TTC16: variants seen among roughly 807,000 people sequenced by gnomAD.
TTC16 encodes the protein tetratricopeptide repeat protein 16.
A neutral mutation model predicts 80.4 loss-of-function variants in TTC16; 66 were observed. The observed-to-expected ratio is 0.82, with a 90% confidence interval of 0.67 to 1.01. TTC16 has a LOEUF of 1.01. TTC16 is among the 50% of genes least tolerant of loss of function. TTC16 has a pLI of 0.00. For missense variants in TTC16, 1,070 were observed against 1,103.2 expected (o/e 0.97, Z 0.43); for synonymous variants, 438 against 451.3 (o/e 0.97, Z 0.37).
intron 6 of TTC16, among the ~76,000 whole-genome samples, chr9:127,720,657 C>T (rs904422942): frequency 2.6e-5 from 4 of 152,000 alleles, no homozygotes; most frequent in African/African-American, 4.8e-5. Flanking sequence ...ATGAGAGAAG[C>T]ATGTCATCCC....
intron 9 of TTC16, among the ~76,000 whole-genome samples, chr9:127,725,638 T>G (rs1843894059): frequency 6.7e-6 from 1 of 149,162 alleles, no homozygotes; most frequent in African/African-American, 2.5e-5. Flanking sequence ...CTCACTCTGT[T>G]GCCCAGACTG....
chr9:127,728,943 A>T (rs1844180682), intron 12 of TTC16: 1 of 152,352 alleles, frequency 6.6e-6, no homozygotes, highest in African/African-American at 2.4e-5. Context: ...GCTGAAGTGG[A>T]TGGAGCCCAG....
intron 12 of TTC16, 42 bp from the exon 13 acceptor site, chr9:127,729,539 G>T: frequency 2.6e-6 from 4 of 1,547,356 alleles, no homozygotes; most frequent in Non-Finnish European, 3.6e-6. Flanking sequence ...AGCTGCACGG[G>T]CCTCCTACCA....
At chr9:127,728,191 C>T (rs1249864040) in intron 12 of TTC16, 2 of 152,276 alleles carry the variant, frequency 1.3e-5, no homozygotes, top group Admixed American at 1.3e-4. Flanking sequence ...TTTCCCAGCT[C>T]CCAGAAGCCC....
intron 6 of TTC16, 21 bp downstream of exon 6, chr9:127,720,416 A>C: frequency 2.1e-5 from 17 of 805,704 alleles, no homozygotes; most frequent in Non-Finnish European, 2.8e-5. Flanking sequence ...GAGGGCGGGC[A>C]GGGGCATGCC....
At position 127,716,890 on chromosome 9, in the gene TTC16, C is replaced by T; in HGVS notation, c.65C>T (p.Pro22Leu). Reference sequence around the variant, plus strand: ...GGCCCCTCACGGGACATCCCAAAGCCATGGGTGATTCCAGCCCCCAAAGGG... The same window carrying T: ...GGCCCCTCACGGGACATCCCAAAGCTATGGGTGATTCCAGCCCCCAAAGGG... The part of the protein sequence containing the change: ...DQGPSRDIPK[P>L]WVIPAPKGIL... The change falls in exon 2 of 14, where the codon CCA (proline) becomes CTA (leucine). Residue 22 changes from proline (P) to leucine (L), a missense_variant. Transcript: ENST00000373289. 6.2e-7 allele frequency: 1 copy of T among 1,614,048 alleles called. No homozygotes were observed. Among genetic ancestry groups the T allele is most frequent in the Non-Finnish European group, 8.5e-7 (1 of 1,179,986 alleles).
intron 12 of TTC16, chr9:127,727,765 T>C (rs892030229): frequency 2.5e-5 from 8 of 325,266 alleles, no homozygotes; most frequent in Non-Finnish European, 5.0e-6. Context: ...TGTGCCAGAA[T>C]TTTTTGTTTT....
At chr9:127,720,735 G>A (rs1380431484) in intron 6 of TTC16, among the ~76,000 whole-genome samples, 1 of 150,580 alleles carries the variant, frequency 6.6e-6, no homozygotes, top group East Asian at 2.0e-4. Flanking sequence ...GAGGGCTTTA[G>A]CCACAATCCT....
In TTC16 at chr9:127,718,343, C is replaced by G. The variant is rs1780749051; in HGVS notation, c.426+571C>G. On this transcript the variant is annotated intron_variant, in intron 4 of 13. Transcript: ENST00000373289. This position sits in a 1 kb window ranked among gnomAD's most constrained non-coding sequence, Gnocchi z 4.6. ...GCTCAGGCAATCCACCCACCTCGGC[C>G]TCCCAACGTGCTAGGATTACAGATG... 6.6e-6 allele frequency among the ~76,000 whole-genome samples: 1 copy of G among 152,166 alleles called. No individual in the cohort carries two copies. Among genetic ancestry groups the G allele is most frequent in the Non-Finnish European group, 1.5e-5 (1 of 68,028 alleles).
chr9:127,717,031 T>A lies in TTC16; in HGVS notation c.191+15T>A. ...GTCAGGGAATAGTGAGTGACTACCT[T>A]GCTTTGGGGTCCCAGGTTCCTGCCC... On this transcript the variant is annotated intron_variant, in intron 2 of 13. Transcript: ENST00000373289. 6.2e-7 allele frequency: 1 copy of A among 1,608,294 alleles called. No individual in the cohort carries two copies. The highest frequency in any genetic ancestry group is 2.2e-5 in the East Asian group (1 of 44,660).
chr9:127,721,123 G>A (rs574604756), intron 6 of TTC16, among the ~76,000 whole-genome samples: 77 of 151,682 alleles, frequency 5.1e-4, no homozygotes, highest in Non-Finnish European at 8.8e-4. Context: ...AGGTGGAGGG[G>A]GTGCTGGGCA....
chr9:127,716,349 C>A, intron 1 of TTC16, 186 bp downstream of exon 1: 1 of 853,906 alleles, frequency 1.2e-6, no homozygotes, highest in Non-Finnish European at 1.8e-6. Flanking sequence ...GCTGCTTGGA[C>A]AGAGGTCTCT....
rs1431118407 is a variant in TTC16 at position 127,724,872 on chromosome 9, A to G, written c.1234A>G (p.Met412Val). 23 of 1,570,084 alleles carry G rather than the reference A, an allele frequency of 1.5e-5. No homozygotes were observed. The highest frequency in any genetic ancestry group is 2.0e-5 in the Non-Finnish European group (23 of 1,160,484). ...NTRMGLLQEK[M>V]GFCEQRRKQF... ...GCGCATGGGCCTGCTGCAGGAGAAG[A>G]TGGGCTTCTGCGAGCAGAGGCGCAA... Residue 412 changes from methionine (M) to valine (V), a missense_variant, in exon 9 of 14, where the codon ATG becomes GTG. Met to Val is a conservative substitution (Grantham distance 21, BLOSUM62 1). Transcript: ENST00000373289.
chr9:127,719,047 C>T (rs1273759437), intron 4 of TTC16, among the ~76,000 whole-genome samples: 1 of 151,570 alleles, frequency 6.6e-6, no homozygotes, highest in East Asian at 2.0e-4. Flanking sequence ...CTCATCTCTA[C>T]TAAAAATACA....
intron 4 of TTC16, among the ~76,000 whole-genome samples, chr9:127,719,466 G>C (rs770486485): frequency 6.6e-6 from 1 of 152,164 alleles, no homozygotes; most frequent in Non-Finnish European, 1.5e-5. Flanking sequence ...GTTTGTGTTA[G>C]TTCTGCTGAT....
At position 127,726,390 on chromosome 9, in the gene TTC16, C is replaced by T. The variant is rs776492373; in HGVS notation, c.1411C>T (p.Pro471Ser). The T allele has an allele frequency of 1.2e-6, 2 of 1,603,100 alleles. No homozygotes were observed. The highest frequency in any genetic ancestry group is 4.5e-5 in the East Asian group (2 of 44,364). Reference sequence around the variant, plus strand: ...TGTGGCCACTGTCCTGCTCCTCAACCCCAAGCAACCAAAGGTAGGTTCCTG... The same window carrying T: ...TGTGGCCACTGTCCTGCTCCTCAACTCCAAGCAACCAAAGGTAGGTTCCTG... ...QDVATVLLLN[P>S]KQPKLSLLMT... is the part of the protein sequence containing the mutation. The change falls in exon 10 of 14, where the codon CCC becomes TCC. Residue 471 changes from proline to serine, a missense_variant. Transcript: ENST00000373289.
chr9:127,729,707 A>G (rs1844235660), intron 13 of TTC16, 39 bp downstream of exon 13: 2 of 1,596,666 alleles, frequency 1.3e-6, no homozygotes, highest in Non-Finnish European at 1.7e-6. Context: ...CAGGAAGCTA[A>G]GGCAGCAGGG....
Position 127,724,812 on chromosome 9 carries a change from C to G in TTC16, c.1174C>G (p.Leu392Val), listed in dbSNP as rs747417997. Reference sequence around the variant, plus strand: ...TGCCGAGGCGGACTACCAGCAGGCGCTGGCGCTGAGCCCTCAGGACGAGGG... The same window carrying G: ...TGCCGAGGCGGACTACCAGCAGGCGGTGGCGCTGAGCCCTCAGGACGAGGG... ...AFAEADYQQA[L>V]ALSPQDEGAN... Residue 392 changes from leucine (L) to valine (V), a missense_variant, in exon 9 of 14, where the codon CTG becomes GTG. Physicochemically the swap from Leu to Val is conservative, Grantham distance 32. Transcript: ENST00000373289. 5.0e-6 allele frequency: 8 copies of G among 1,609,446 alleles called. No homozygotes were observed. Among genetic ancestry groups the G allele is most frequent in the African/African-American group, 1.3e-5 (1 of 75,030 alleles).
Position 127,720,176 on chromosome 9 carries a change from A to G in TTC16, c.525A>G (p.Arg175=). 3 of 1,613,634 alleles carry G rather than the reference A, an allele frequency of 1.9e-6. No homozygotes were observed. Among genetic ancestry groups the G allele is most frequent in the Non-Finnish European group, 2.5e-6 (3 of 1,179,958 alleles). The change falls in exon 5 of 14, where the codon CGA becomes CGG. Residue 175 remains arginine (R), a splice_region_variant and synonymous_variant. Transcript: ENST00000373289. ...LQPEKPCFRY[R]CMACLLALKQ... ...CTGAGAAACCATGCTTCCGTTACCG[A>G]TGGTGAGTGCCCCTGCCAGCCCCTT...
Sources: allele counts gnomAD v4.1 joint callset (sites outside exome capture counted in the v4.1 genomes callset), GRCh38; gene constraint gnomAD v4.1.1; non-coding constraint Gnocchi (gnomAD v3.1); transcripts MANE v1.5; gene names NCBI Gene and HGNC (gene_info 2026-07-23, HGNC 2026-07-21).